The following DCBLD2 variants were observed in gnomAD, a reference collection of about 807,000 sequenced individuals.
DCBLD2 encodes discoidin, CUB and LCCL domain containing 2.
A neutral mutation model predicts 86.8 loss-of-function variants in DCBLD2; 54 were observed. The observed-to-expected ratio is 0.62, with a 90% confidence interval of 0.50 to 0.78. DCBLD2 has a LOEUF of 0.78. Among genes scored for constraint, DCBLD2 ranks in the 30% least tolerant of loss-of-function variants. DCBLD2 has a pLI of 0.00. For missense variants in DCBLD2, 908 were observed against 954.2 expected, an observed-to-expected ratio of 0.95 and a Z score of 0.64; for synonymous variants, 354 against 341.3, an observed-to-expected ratio of 1.04 and a Z score of -0.41.
chr3:98,896,575 T>C (rs527657913), intron 1 of DCBLD2, among the ~76,000 whole-genome samples: 2 of 152,348 alleles, frequency 1.3e-5, no homozygotes, highest in East Asian at 1.9e-4. Flanking sequence ...CAAAAGATTA[T>C]GCAGGTATGT....
chr3:98,800,491 T>A, intron 15 of DCBLD2, 88 bp downstream of exon 15: 1 of 1,389,766 alleles, frequency 7.2e-7, no homozygotes, highest in South Asian at 1.6e-5. Context: ...ATGAAAGGGA[T>A]CAAAGAACTG....
At chr3:98,888,724 TA>T (rs1943604706) in intron 1 of DCBLD2, among the ~76,000 whole-genome samples, 1 of 152,030 alleles carries the variant, frequency 6.6e-6, no homozygotes, top group South Asian at 2.1e-4. Context: ...CACATTATTT[TA>T]GGAAATTTAA....
intron 2 of DCBLD2, among the ~76,000 whole-genome samples, chr3:98,878,743 C>T (rs1379258824): frequency 1.3e-5 from 2 of 152,244 alleles, no homozygotes; most frequent in African/African-American, 4.8e-5. Flanking sequence ...AACTGAAGCC[C>T]AACAGGAACC....
chr3:98,871,547 GTTT>G (rs1943282650), intron 2 of DCBLD2, among the ~76,000 whole-genome samples: 1 of 150,888 alleles, frequency 6.6e-6, no homozygotes, highest in African/African-American at 2.4e-5. Flanking sequence ...ATTTTTTTTT[GTTT>G]TTAATTATAT....
In DCBLD2 at chr3:98,798,401, T is replaced by C. The variant is rs1434834588; in HGVS notation, c.*971A>G. On this transcript the variant is annotated 3_prime_UTR_variant, in exon 16 of 16. Coordinates refer to ENST00000326840, the MANE Select transcript of DCBLD2 (RefSeq NM_080927.4). ...TTTTTAAAGAGGTAATTTATATTAC[T>C]TCTGAGTGAATAATTTTGCCTTTCA... 2.0e-5 allele frequency: 3 copies of C among 152,250 alleles called. No individual in the cohort carries two copies. Among genetic ancestry groups the C allele is most frequent in the Non-Finnish European group, 4.4e-5 (3 of 68,034 alleles). 9.4% of individuals were successfully genotyped at this position (152,250 alleles called of 1,614,324 possible). A position where few individuals can be genotyped will look rare whatever the true frequency, so the allele number is the denominator to read the frequency against.
At chr3:98,884,635 T>C (rs150781959) in intron 1 of DCBLD2, among the ~76,000 whole-genome samples, 1 of 152,216 alleles carries the variant, frequency 6.6e-6, no homozygotes, top group African/African-American at 2.4e-5. Flanking sequence ...GAAATGCCCT[T>C]ACTACTGAAA....
Position 98,899,655 on chromosome 3 carries a change from T to C in DCBLD2, c.205+1467A>G, listed in dbSNP as rs1321011962. On this transcript the variant is annotated intron_variant, in intron 1 of 15. Transcript: ENST00000326840. Reference sequence around the variant, plus strand: ...TTTTAATAACATGATACAAACACTATCAGATCCAGAAACAAGCAAAGCAGA... The same window carrying C: ...TTTTAATAACATGATACAAACACTACCAGATCCAGAAACAAGCAAAGCAGA... Among the ~76,000 whole-genome samples the C allele has an allele frequency of 2.0e-5, 3 of 152,076 alleles. No individual in the cohort carries two copies. In the East Asian group the frequency reaches 5.8e-4, roughly 29 times the overall value.
chr3:98,815,199 G>T (rs918575007), intron 9 of DCBLD2: 1 of 152,218 alleles, frequency 6.6e-6, no homozygotes, highest in Non-Finnish European at 1.5e-5. Context: ...CCTATGGCCA[G>T]TAAAAGAAAC....
chr3:98,873,063 G>T (rs1943306751), intron 2 of DCBLD2, among the ~76,000 whole-genome samples: 1 of 151,890 alleles, frequency 6.6e-6, no homozygotes, highest in African/African-American at 2.4e-5. Context: ...TTAATAGGAG[G>T]GTATGTGTGT....
intron 2 of DCBLD2, among the ~76,000 whole-genome samples, chr3:98,870,762 A>AAAG (rs1559794526): frequency 4.5e-5 from 6 of 132,120 alleles, no homozygotes; most frequent in Non-Finnish European, 1.0e-4. Context: ...AGAAAGAAAG[A>AAAG]AAGAAAGAAA....
chr3:98,837,689 G>A (rs1576172610), intron 3 of DCBLD2, among the ~76,000 whole-genome samples: 1 of 76,834 alleles, frequency 1.3e-5, no homozygotes, highest in Non-Finnish European at 2.7e-5. Flanking sequence ...GGCCGGGCGG[G>A]GGGCTGACCC....
chr3:98,830,084 G>A (rs189070970), intron 3 of DCBLD2, among the ~76,000 whole-genome samples: 1 of 152,096 alleles, frequency 6.6e-6, no homozygotes, highest in African/African-American at 2.4e-5. Flanking sequence ...GCTTTTTAAT[G>A]TTTCTTTTTT....
intron 2 of DCBLD2, among the ~76,000 whole-genome samples, chr3:98,858,396 C>G (rs538284994): frequency 7.2e-5 from 11 of 152,370 alleles, no homozygotes; most frequent in African/African-American, 2.6e-4. Flanking sequence ...GGCTGAAGGG[C>G]TCCTCAAGTG....
intron 2 of DCBLD2, among the ~76,000 whole-genome samples, chr3:98,853,160 C>T (rs755722803): frequency 6.6e-6 from 1 of 152,116 alleles, no homozygotes; most frequent in Non-Finnish European, 1.5e-5. Flanking sequence ...GGTATGGAGG[C>T]GAAGTTAGAA....
chr3:98,807,253 G>A (rs1433891946), intron 13 of DCBLD2, among the ~76,000 whole-genome samples: 2 of 152,088 alleles, frequency 1.3e-5, no homozygotes, highest in African/African-American at 4.8e-5. Flanking sequence ...GGCTCAGGTT[G>A]GGCCATTTGC....
chr3:98,806,141 C>G (rs557173139), intron 13 of DCBLD2, among the ~76,000 whole-genome samples: 1 of 152,008 alleles, frequency 6.6e-6, no homozygotes, highest in East Asian at 1.9e-4. Flanking sequence ...GAATAATTTG[C>G]GTAGAGGTGC....
In DCBLD2 at chr3:98,800,717, C is replaced by T; in HGVS notation, c.1721-1G>A. The T allele has an allele frequency of 6.2e-7, 1 of 1,613,920 alleles. No homozygotes were observed. The highest frequency in any genetic ancestry group is 8.5e-7 in the Non-Finnish European group (1 of 1,179,842). On this transcript the variant is annotated splice_acceptor_variant, in intron 14 of 15. Transcript: ENST00000326840. LOFTEE classifies it high-confidence loss of function. ...AACTGCTTCATTCCTTTCCACCAAC[C>T]TTCATTGTGACGGCAAGCCAAAGAG...
At chr3:98,801,318 C>T (rs1290968619) in intron 14 of DCBLD2, 3 of 379,678 alleles carry the variant, frequency 7.9e-6, no homozygotes, top group African/African-American at 6.2e-5. Flanking sequence ...GAAAGCCGGT[C>T]TCCTCATGAG....
chr3:98,901,273 G>A lies in DCBLD2; in HGVS notation c.54C>T (p.Val18=). 6.5e-7 allele frequency: 1 copy of A among 1,528,454 alleles called. No homozygotes were observed. The highest frequency in any genetic ancestry group is 8.7e-7 in the Non-Finnish European group (1 of 1,142,976). 94.7% of individuals were successfully genotyped at this position (1,528,454 alleles called of 1,614,324 possible). Reference sequence around the variant, plus strand: ...AGGCGGGGGCGGCGGCCGCGGCCCGGACTTGGGGACACTGCGGGCAGCGCC... The same window carrying A: ...AGGCGGGGGCGGCGGCCGCGGCCCGAACTTGGGGACACTGCGGGCAGCGCC... The part of the protein sequence containing the change: ...RARRCPQCPQ[V]RAAAAAPAWA... Residue 18 remains valine, a synonymous_variant, in exon 1 of 16, where the codon GTC becomes GTT. Transcript: ENST00000326840.
Sources: allele counts gnomAD v4.1 joint callset (sites outside exome capture counted in the v4.1 genomes callset), GRCh38; gene constraint gnomAD v4.1.1; transcripts MANE v1.5; gene names NCBI Gene and HGNC (gene_info 2026-07-23, HGNC 2026-07-21).